The following STK39 variants were observed in gnomAD, a reference collection of about 807,000 sequenced individuals.
The protein encoded by STK39 is STE20/SPS1-related proline-alanine-rich protein kinase.
A neutral mutation model predicts 77.8 loss-of-function variants in STK39; 20 were observed. The observed-to-expected ratio is 0.26, with a 90% CI of 0.18 to 0.37. STK39 has a LOEUF of 0.37. Ranked by LOEUF, STK39 falls within the 10% of genes least tolerant of loss-of-function variation. The pLI, the probability that STK39 is intolerant of heterozygous loss-of-function variation, is 1.00. For synonymous variants in STK39, 246 were observed against 234.1 expected, an observed-to-expected ratio of 1.05 and a Z score of -0.47; for missense variants, 479 against 656.5, an observed-to-expected ratio of 0.73 and a Z score of 2.95.
At chr2:167,964,418 G>A in intron 17 of STK39, 1 of 427,158 alleles carries the variant, frequency 2.3e-6, no homozygotes, top group Non-Finnish European at 4.1e-6. Flanking sequence ...ATTCTTATAT[G>A]GCCGCTCTTA....
intron 13 of STK39, 144 bp from the exon 14 acceptor site, chr2:168,063,714 CG>C: frequency 1.6e-6 from 1 of 631,802 alleles, no homozygotes; most frequent in Non-Finnish European, 2.7e-6. Context: ...TCTTTGGCAT[CG>C]TAACACCTCC....
intron 5 of STK39, 126 bp from the exon 6 acceptor site, chr2:168,140,884 C>T (rs1038770863): frequency 1.1e-5 from 8 of 720,198 alleles, no homozygotes; most frequent in South Asian, 4.7e-5. Flanking sequence ...AACATGTCTA[C>T]GGTGCTCTCT....
Position 168,247,463 on chromosome 2 carries a change from C to T in STK39, c.-28G>A. ...TGCTGCGGAGGAGAGCAGGAGGACGCGCCGGCCGACGGACGACCTTCCACT... is the reference window on the plus strand; with the variant it reads ...TGCTGCGGAGGAGAGCAGGAGGACGTGCCGGCCGACGGACGACCTTCCACT... On this transcript the variant is annotated 5_prime_UTR_variant, in exon 1 of 18. Coordinates refer to ENST00000355999, the MANE Select transcript of STK39 (RefSeq NM_013233.3). 1.5e-6 allele frequency: 2 copies of T among 1,304,716 alleles called. No homozygotes were observed. The highest frequency in any genetic ancestry group is 2.6e-5 in the Admixed American group (1 of 39,154). The allele number at this position is 1,304,716 out of a possible 1,614,324, so 80.8% of individuals were successfully genotyped here. A position where few individuals can be genotyped will look rare whatever the true frequency, so the allele number is the denominator to read the frequency against.
intron 10 of STK39, among the ~76,000 whole-genome samples, chr2:168,082,708 C>T (rs1200494435): frequency 6.6e-6 from 1 of 152,246 alleles, no homozygotes; most frequent in Non-Finnish European, 1.5e-5. Context: ...AACACACCTT[C>T]TCCATGGCCT....
chr2:168,152,900 T>C (rs1423974577), intron 5 of STK39, among the ~76,000 whole-genome samples: 1 of 152,182 alleles, frequency 6.6e-6, no homozygotes, highest in Non-Finnish European at 1.5e-5. Flanking sequence ...TTTAAACAAA[T>C]CTTCACTCAA....
chr2:168,211,353 G>A (rs1689885702), intron 1 of STK39, among the ~76,000 whole-genome samples: 1 of 152,194 alleles, frequency 6.6e-6, no homozygotes, highest in South Asian at 2.1e-4. Context: ...TGAGTCAAGA[G>A]GAAGTAGTAG....
intron 16 of STK39, among the ~76,000 whole-genome samples, chr2:167,969,679 C>T (rs1437149866): frequency 6.6e-6 from 1 of 152,214 alleles, no homozygotes; most frequent in East Asian, 1.9e-4. Context: ...CTTCTCACCA[C>T]CTCCGCTGCT....
At chr2:168,143,497 G>A (rs1009291236) in intron 5 of STK39, among the ~76,000 whole-genome samples, 1 of 152,172 alleles carries the variant, frequency 6.6e-6, no homozygotes, top group Non-Finnish European at 1.5e-5. Context: ...TGGATCACGA[G>A]GTCAGGAGTT....
At chr2:168,219,300 A>G (rs1356420995) in intron 1 of STK39, among the ~76,000 whole-genome samples, 1 of 151,934 alleles carries the variant, frequency 6.6e-6, no homozygotes, top group Non-Finnish European at 1.5e-5. Flanking sequence ...AAAAAAAAAA[A>G]TCTTCAGATA....
chr2:168,207,262 C>T (rs1689765963), intron 1 of STK39, among the ~76,000 whole-genome samples: 1 of 152,154 alleles, frequency 6.6e-6, no homozygotes, highest in Non-Finnish European at 1.5e-5. Flanking sequence ...TGTTGCATTA[C>T]AGTTTCAATT....
intron 16 of STK39, among the ~76,000 whole-genome samples, chr2:168,003,956 C>G (rs1277822406): frequency 1.3e-5 from 2 of 152,182 alleles, no homozygotes; most frequent in Middle Eastern, 3.2e-3. Flanking sequence ...AGACTTTCAT[C>G]GTAAAAGTGT....
At chr2:168,164,335 T>C (rs1033022505) in intron 3 of STK39, among the ~76,000 whole-genome samples, 4 of 152,198 alleles carry the variant, frequency 2.6e-5, no homozygotes, top group African/African-American at 9.6e-5. Flanking sequence ...AGAAGTATGT[T>C]GTTTCTAGAC....
At chr2:168,184,601 G>A (rs1194009694) in intron 1 of STK39, among the ~76,000 whole-genome samples, 2 of 151,902 alleles carry the variant, frequency 1.3e-5, no homozygotes, top group Non-Finnish European at 1.5e-5. Flanking sequence ...TGCAGCAATT[G>A]GAAAGCACAG....
At chr2:168,232,135 A>T in intron 1 of STK39, 1 of 243,382 alleles carries the variant, frequency 4.1e-6, no homozygotes, top group Admixed American at 4.1e-5. Flanking sequence ...GCAGGGACGC[A>T]CACAGGAGTC....
chr2:168,247,213 G>GCCCGCCGCA lies in STK39; in HGVS notation c.208+6_208+14dup, dbSNP rs1558896835. 1.7e-6 allele frequency: 2 copies of GCCCGCCGCA among 1,192,376 alleles called. No individual in the cohort carries two copies. Among genetic ancestry groups the GCCCGCCGCA allele is most frequent in the Non-Finnish European group, 2.1e-6 (2 of 958,960 alleles). 73.9% of individuals were successfully genotyped at this position (1,192,376 alleles called of 1,614,324 possible). A position where few individuals can be genotyped will look rare whatever the true frequency, so the allele number is the denominator to read the frequency against. ...GCCCGGCCTGTGCCGGCCCCGCCGC[G>GCCCGCCGCA]CCCGCCGCACTGACCGATAACCTCC... On this transcript the variant is annotated intron_variant, in intron 1 of 17. Transcript: ENST00000355999.
intron 17 of STK39, among the ~76,000 whole-genome samples, chr2:167,961,794 A>G (rs1463754324): frequency 6.6e-6 from 1 of 152,224 alleles, no homozygotes; most frequent in East Asian, 1.9e-4. Context: ...TAACATTCCC[A>G]AAGCCCAGGC....
intron 17 of STK39, among the ~76,000 whole-genome samples, chr2:167,960,004 A>T (rs1417437078): frequency 6.6e-6 from 1 of 152,138 alleles, no homozygotes; most frequent in Non-Finnish European, 1.5e-5. Context: ...AGTGAAGGAG[A>T]AGTTCAGAAC....
chr2:168,091,806 C>A (rs1363281389), intron 10 of STK39, among the ~76,000 whole-genome samples: 1 of 152,140 alleles, frequency 6.6e-6, no homozygotes, highest in Non-Finnish European at 1.5e-5. Context: ...TACATTCCAA[C>A]TCTTTTGCTT....
chr2:168,100,729 A>G (rs1686801524), intron 10 of STK39, among the ~76,000 whole-genome samples: 1 of 152,334 alleles, frequency 6.6e-6, no homozygotes, highest in South Asian at 2.1e-4. Flanking sequence ...GAGGATGTGG[A>G]GAAGTAGGAA....
Sources: allele counts gnomAD v4.1 joint callset (sites outside exome capture counted in the v4.1 genomes callset), GRCh38; gene constraint gnomAD v4.1.1; transcripts MANE v1.5; gene names NCBI Gene and HGNC (gene_info 2026-07-23, HGNC 2026-07-21).